The following PHLDB2 variants were observed in gnomAD, a reference collection of about 807,000 sequenced individuals.
The protein encoded by PHLDB2 is pleckstrin homology-like domain family B member 2.
Under a neutral mutation model 123.6 loss-of-function variants are expected in PHLDB2, and 71 were observed. The ratio of observed to expected loss-of-function variants is 0.57; its 90% CI spans 0.47 to 0.70. The LOEUF (loss-of-function observed/expected upper bound fraction) is 0.70. Among genes scored for constraint, PHLDB2 ranks in the 30% least tolerant of loss-of-function variants. The pLI is 0.00. For missense variants in PHLDB2, 1,446 were observed against 1,519.5 expected, an observed-to-expected ratio of 0.95 and a Z score of 0.80; for synonymous variants, 547 against 541.6, an observed-to-expected ratio of 1.01 and a Z score of -0.14.
chr3:111,741,852 C>T (rs975477215), intron 1 of PHLDB2, among the ~76,000 whole-genome samples: 6 of 152,102 alleles, frequency 3.9e-5, no homozygotes, highest in Non-Finnish European at 5.9e-5. Flanking sequence ...GATGTCTAAA[C>T]AAATCTCAGG....
At chr3:111,789,697 T>TTC (rs1449845283) in intron 1 of PHLDB2, among the ~76,000 whole-genome samples, 637 of 152,290 alleles carry the variant, frequency 4.2e-3, no homozygotes, top group African/African-American at 0.015. Flanking sequence ...CATGAGATAA[T>TTC]AATATATATT....
rs78980516 is a variant in PHLDB2 at position 111,812,479 on chromosome 3, T to A, written c.-48-33342T>A. Among the ~76,000 whole-genome samples the A allele has an allele frequency of 2.8e-3, 434 of 152,350 alleles. 3 individuals are homozygous for A. Among genetic ancestry groups the A allele is most frequent in the African/African-American group, 0.01 (422 of 41,578 alleles). ...CCAATGGAAGGACCAGGTAACTGAA[T>A]GTTTTCATGGAGTTTCTCAACTTTG... On this transcript the variant is annotated intron_variant, in intron 1 of 17. Transcript: ENST00000393923.
At chr3:111,756,516 T>A (rs13071496) in intron 1 of PHLDB2, among the ~76,000 whole-genome samples, 1 of 152,032 alleles carries the variant, frequency 6.6e-6, no homozygotes, top group Admixed American at 6.5e-5. Context: ...TCTTCCTCCA[T>A]CCTTTTATTT....
intron 17 of PHLDB2, 115 bp downstream of exon 17, chr3:111,973,932 T>C: frequency 3.3e-6 from 2 of 610,722 alleles, no homozygotes; most frequent in Non-Finnish European, 5.8e-6. Context: ...ATAGATATGA[T>C]CAGAATGGTG....
chr3:111,914,238 A>G (rs1187682155), intron 3 of PHLDB2: 1 of 151,580 alleles, frequency 6.6e-6, no homozygotes, highest in African/African-American at 2.4e-5. Context: ...AATAAAATCC[A>G]TATGCGCAAA....
intron 10 of PHLDB2, chr3:111,950,031 A>C: frequency 9.1e-6 from 4 of 439,664 alleles, no homozygotes; most frequent in Non-Finnish European, 1.2e-5. Context: ...TTTCCTCTTA[A>C]GAACATTTAG....
At chr3:111,764,409 C>T (rs1015602756) in intron 1 of PHLDB2, among the ~76,000 whole-genome samples, 2 of 152,156 alleles carry the variant, frequency 1.3e-5, no homozygotes, top group African/African-American at 2.4e-5. Flanking sequence ...TAAACTAGCA[C>T]GGTCCTTTGT....
chr3:111,839,176 C>T (rs147681621), intron 1 of PHLDB2, among the ~76,000 whole-genome samples: 8 of 150,290 alleles, frequency 5.3e-5, no homozygotes, highest in Non-Finnish European at 1.2e-4. Context: ...CCACACTGAG[C>T]TCTTCCAGAC....
chr3:111,889,336 G>A (rs2066346439), intron 2 of PHLDB2, among the ~76,000 whole-genome samples: 1 of 152,030 alleles, frequency 6.6e-6, no homozygotes, highest in African/African-American at 2.4e-5. Flanking sequence ...AGCCCCAGGA[G>A]ATCCTGACAA....
At chr3:111,942,770 C>T (rs1468752379) in intron 8 of PHLDB2, among the ~76,000 whole-genome samples, 1 of 150,924 alleles carries the variant, frequency 6.6e-6, no homozygotes, top group African/African-American at 2.4e-5. Flanking sequence ...ACTGTCAGTT[C>T]AAGGTTAATG....
At chr3:111,855,573 C>T (rs183202492), upstream of PHLDB2, among the ~76,000 whole-genome samples, 1 of 146,026 alleles carries the variant, frequency 6.8e-6, no homozygotes, top group African/African-American at 2.5e-5. Flanking sequence ...ATAATAATAA[C>T]AATAACAGTT....
At chr3:111,881,020 A>C (rs1378196378) in intron 1 of PHLDB2, among the ~76,000 whole-genome samples, 1 of 152,110 alleles carries the variant, frequency 6.6e-6, no homozygotes, top group East Asian at 1.9e-4. Context: ...CTTTTCTTGA[A>C]TCTTATTAGA....
intron 1 of PHLDB2, among the ~76,000 whole-genome samples, chr3:111,792,539 C>T (rs1470495186): frequency 6.6e-6 from 1 of 151,904 alleles, no homozygotes; most frequent in Non-Finnish European, 1.5e-5. Flanking sequence ...GACCTCCATC[C>T]CTACAAAAAA....
intron 2 of PHLDB2, among the ~76,000 whole-genome samples, chr3:111,906,729 G>A (rs1183311994): frequency 1.3e-5 from 2 of 152,196 alleles, no homozygotes; most frequent in African/African-American, 4.8e-5. Context: ...AATATCAATA[G>A]TAATCTGCAC....
intron 6 of PHLDB2, among the ~76,000 whole-genome samples, chr3:111,932,748 T>C (rs1332256311): frequency 6.6e-6 from 1 of 152,198 alleles, no homozygotes; most frequent in Non-Finnish European, 1.5e-5. Context: ...TCATGAATCC[T>C]ATTTACCCTT....
At chr3:111,740,151 C>A (rs2059578825) in intron 1 of PHLDB2, among the ~76,000 whole-genome samples, 1 of 152,152 alleles carries the variant, frequency 6.6e-6, no homozygotes, top group Non-Finnish European at 1.5e-5. Context: ...GTGATATCAT[C>A]ATGGCTCACA....
chr3:111,892,373 A>G (rs1015047631), intron 2 of PHLDB2, among the ~76,000 whole-genome samples: 99 of 152,326 alleles, frequency 6.5e-4, no homozygotes, highest in African/African-American at 2.3e-3. Flanking sequence ...GACCATACCT[A>G]TCTTGCTCAC....
At chr3:111,734,088 C>T (rs910692900) in intron 1 of PHLDB2, among the ~76,000 whole-genome samples, 1 of 152,132 alleles carries the variant, frequency 6.6e-6, no homozygotes, top group Non-Finnish European at 1.5e-5. Flanking sequence ...GACATAAACC[C>T]TTGTGTGACT....
chr3:111,957,455 C>A (rs1050719199), intron 12 of PHLDB2: 1 of 152,460 alleles, frequency 6.6e-6, no homozygotes, highest in African/African-American at 2.4e-5. Context: ...CATTCACTGG[C>A]AGCTGCATGA....
Sources: allele counts gnomAD v4.1 joint callset (sites outside exome capture counted in the v4.1 genomes callset), GRCh38; gene constraint gnomAD v4.1.1; transcripts MANE v1.5; gene names NCBI Gene and HGNC (gene_info 2026-07-23, HGNC 2026-07-21).